The following SLC39A14 variants were observed in gnomAD, a reference collection of about 807,000 sequenced individuals.
SLC39A14 encodes the protein solute carrier family 39 member 14, also known as metal cation symporter ZIP14.
In SLC39A14, 19 loss-of-function variants were observed where a neutral mutation model predicts 45.5. The observed-to-expected ratio is 0.42, with a 90% CI of 0.29 to 0.61. The LOEUF (loss-of-function observed/expected upper bound fraction) is 0.61, where lower values mean the gene tolerates loss of function less well. Among genes scored for constraint, SLC39A14 ranks in the 20% least tolerant of loss-of-function variants. The probability of loss-of-function intolerance (pLI) is 0.22; values close to 1 mark genes in which losing one functional copy is unlikely to be tolerated. For missense variants in SLC39A14, 447 were observed against 616.5 expected, an observed-to-expected ratio of 0.73 and a Z score of 2.91; for synonymous variants, 264 against 251.3, an observed-to-expected ratio of 1.05 and a Z score of -0.48.
chr8:22,407,707 CTTT>C (rs34840104), intron 2 of SLC39A14, among the ~76,000 whole-genome samples: 6 of 130,646 alleles, frequency 4.6e-5, no homozygotes, highest in Admixed American at 7.8e-5. Flanking sequence ...CAATATTTTG[CTTT>C]TTTTTTTTTT....
intron 1 of SLC39A14, among the ~76,000 whole-genome samples, chr8:22,400,122 G>T (rs1834771804): frequency 6.6e-6 from 1 of 152,144 alleles, no homozygotes; most frequent in Admixed American, 6.5e-5. Flanking sequence ...ATCTCCGTGG[G>T]TTCCAGGACA....
rs184775369 is a variant in SLC39A14, at chr8:22,382,766, G to C, written c.-16+15358G>C. Among the ~76,000 whole-genome samples the C allele has an allele frequency of 1.7e-4, 26 of 152,276 alleles. 1 individual carries two copies. The East Asian group carries it at 4.0e-3, about 24-fold the overall frequency. ...GTCTTACTCTGCCACCCATGTTGGA[G>C]TGCAGTGTCGTAATCTCACCTCACC... On this transcript the variant is annotated intron_variant, in intron 1 of 8. Coordinates refer to ENST00000381237, the MANE Select transcript of SLC39A14 (RefSeq NM_001128431.4).
rs767323858 is a variant in SLC39A14, at chr8:22,410,171, C to T, written c.457+1675C>T. 301 of 1,577,382 alleles carry T rather than the reference C, an allele frequency of 1.9e-4. 1 individual carries two copies. The highest frequency in any genetic ancestry group is 2.5e-4 in the Non-Finnish European group (288 of 1,149,314). ...TTTCCCTGGGGCGGCACAGCTGAGC[C>T]AATCCCCTCCTCCCCTACCCTGGGC... is the stretch of plus-strand genomic sequence containing the variant. On this transcript the variant is annotated intron_variant, in intron 3 of 8. Coordinates refer to ENST00000381237, the MANE Select transcript of SLC39A14 (RefSeq NM_001128431.4).
intron 8 of SLC39A14, among the ~76,000 whole-genome samples, chr8:22,418,942 T>C (rs927728459): frequency 1.5e-4 from 23 of 152,048 alleles, no homozygotes; most frequent in Non-Finnish European, 2.9e-4. Flanking sequence ...AGTGGGACAA[T>C]TGCTCGAGCC....
downstream of SLC39A14, among the ~76,000 whole-genome samples, chr8:22,423,791 T>A (rs1836332362): frequency 6.8e-6 from 1 of 147,856 alleles, no homozygotes; most frequent in Non-Finnish European, 1.5e-5. Context: ...TTGGTTTCTC[T>A]CTCTCTCTCT....
intron 1 of SLC39A14, among the ~76,000 whole-genome samples, chr8:22,394,526 A>G (rs564188364): frequency 4.7e-5 from 7 of 150,232 alleles, no homozygotes; most frequent in Admixed American, 2.0e-4. Context: ...TCATCGTGTT[A>G]GCCAGGATGG....
chr8:22,390,280 GTTTCC>G (rs1185297496), intron 1 of SLC39A14: 1 of 149,036 alleles, frequency 6.7e-6, no homozygotes, highest in African/African-American at 2.5e-5. Flanking sequence ...ACAACTCCAT[GTTTCC>G]TTTCTTTTTG....
intron 7 of SLC39A14, among the ~76,000 whole-genome samples, chr8:22,417,104 G>A (rs12545575): frequency 2.0e-5 from 3 of 152,188 alleles, no homozygotes; most frequent in South Asian, 2.1e-4. Context: ...TAGGGACGAC[G>A]TAGGGTCAAG....
At chr8:22,429,207 G>A (rs1836432544) in intron 8 of SLC39A14, among the ~76,000 whole-genome samples, 1 of 152,170 alleles carries the variant, frequency 6.6e-6, no homozygotes, top group African/African-American at 2.4e-5. Flanking sequence ...GGGAGGCAGA[G>A]CTTGCAGTGA....
Position 22,421,198 on chromosome 8 carries a change from G to T in SLC39A14, c.*1500G>T, listed in dbSNP as rs1836208324. On this transcript the variant is annotated 3_prime_UTR_variant, in exon 9 of 9. Coordinates refer to ENST00000381237, the MANE Select transcript of SLC39A14 (RefSeq NM_001128431.4). Reference sequence around the variant, plus strand: ...GGGCCATGTTTGCAAACTGATTCATGTGCATGGCTGACAGGAGTACTGGTT... The same window carrying T: ...GGGCCATGTTTGCAAACTGATTCATTTGCATGGCTGACAGGAGTACTGGTT... The T allele has an allele frequency of 3.0e-6, 3 of 985,716 alleles. No individual in the cohort carries two copies. Among genetic ancestry groups the T allele is most frequent in the Admixed American group, 6.1e-5 (1 of 16,268 alleles). The allele number at this position is 985,716 out of a possible 1,614,324, so 61.1% of individuals were successfully genotyped here. A position where few individuals can be genotyped will look rare whatever the true frequency, so the allele number is the denominator to read the frequency against.
chr8:22,393,408 G>A (rs374997820), intron 1 of SLC39A14, among the ~76,000 whole-genome samples: 2 of 152,064 alleles, frequency 1.3e-5, no homozygotes, highest in African/African-American at 4.8e-5. Context: ...CTTCTCACAC[G>A]GTGTTCTTTG....
chr8:22,424,017 C>G (rs1224827515), downstream of SLC39A14, among the ~76,000 whole-genome samples: 2 of 151,326 alleles, frequency 1.3e-5, no homozygotes, highest in Non-Finnish European at 2.9e-5. Context: ...GCTACGTTGC[C>G]CAAGCTAGCC....
At chr8:22,375,313 T>G (rs1162537057) in intron 1 of SLC39A14, among the ~76,000 whole-genome samples, 2 of 149,658 alleles carry the variant, frequency 1.3e-5, no homozygotes, top group African/African-American at 4.9e-5. Flanking sequence ...TATTGTAAAG[T>G]GCAAAAAAGT....
At chr8:22,395,045 C>CT (rs1834307124) in intron 1 of SLC39A14, among the ~76,000 whole-genome samples, 2 of 150,834 alleles carry the variant, frequency 1.3e-5, no homozygotes, top group African/African-American at 4.9e-5. Context: ...GAGTCTCACT[C>CT]TGTCGCCAGC....
chr8:22,412,136 T>A lies in SLC39A14; in HGVS notation c.557T>A (p.Leu186Gln). 6.4e-7 allele frequency: 1 copy of A among 1,551,740 alleles called. No individual in the cohort carries two copies. Among genetic ancestry groups the A allele is most frequent in the Non-Finnish European group, 8.7e-7 (1 of 1,147,004 alleles). ...PFMKKTFYKR[L>Q]LLYFIALAIG... The stretch of plus-strand genomic sequence containing the variant: ...ATGAAGAAGACCTTTTACAAGAGGC[T>A]GCTGCTCTACTTCATAGCTCTGGCG... Residue 186 changes from leucine to glutamine, a missense_variant, in exon 4 of 9, where the codon CTG becomes CAG. Coordinates refer to ENST00000381237, the MANE Select transcript of SLC39A14 (RefSeq NM_001128431.4).
At chr8:22,398,316 G>C (rs1391372282) in intron 1 of SLC39A14, 1 of 152,314 alleles carries the variant, frequency 6.6e-6, no homozygotes, top group Non-Finnish European at 1.5e-5. Flanking sequence ...CCCCGCGTAA[G>C]AGCCCCACCC....
intron 1 of SLC39A14, among the ~76,000 whole-genome samples, chr8:22,377,257 C>A (rs1258404597): frequency 6.6e-6 from 1 of 150,968 alleles, no homozygotes; most frequent in Non-Finnish European, 1.5e-5. Context: ...CTCCTGTGTT[C>A]TTCTGGTAAG....
chr8:22,425,196 T>C (rs1302217282), downstream of SLC39A14, among the ~76,000 whole-genome samples: 1 of 152,142 alleles, frequency 6.6e-6, no homozygotes, highest in Non-Finnish European at 1.5e-5. Context: ...AATGTAAGTT[T>C]GAGAGAGGTG....
Position 22,420,325 on chromosome 8 carries a change from C to T in SLC39A14, c.*627C>T. On this transcript the variant is annotated 3_prime_UTR_variant, in exon 9 of 9. Transcript: ENST00000381237. ...GTCGAACCACTGCTGTGTGTCTTGT[C>T]AGGATGCTCACTTGTTCCTACTGAG... 1 of 985,464 alleles carries T rather than the reference C, an allele frequency of 1.0e-6. No individual in the cohort carries two copies. Among genetic ancestry groups the T allele is most frequent in the African/African-American group, 1.7e-5 (1 of 57,354 alleles). 61.0% of individuals were successfully genotyped at this position (985,464 alleles called of 1,614,324 possible). A position where few individuals can be genotyped will look rare whatever the true frequency, so the allele number is the denominator to read the frequency against.
Sources: allele counts gnomAD v4.1 joint callset (sites outside exome capture counted in the v4.1 genomes callset), GRCh38; gene constraint gnomAD v4.1.1; transcripts MANE v1.5; gene names NCBI Gene and HGNC (gene_info 2026-07-23, HGNC 2026-07-21).